Variants in CRADD observed in about 807,000 individuals in gnomAD.
CRADD encodes the protein CARD and death domain containing adaptor protein.
Under a neutral mutation model 15.5 loss-of-function variants are expected in CRADD, and 9 were observed. That is an observed-to-expected ratio of 0.58 (90% CI 0.35 to 1.01). The LOEUF (loss-of-function observed/expected upper bound fraction) is 1.01. Ranked by LOEUF, CRADD falls within the 50% of genes least tolerant of loss-of-function variation. The pLI is 0.02. For missense variants in CRADD, 227 were observed against 250.3 expected, an observed-to-expected ratio of 0.91 and a Z score of 0.63; for synonymous variants, 118 against 107.6, an observed-to-expected ratio of 1.10 and a Z score of -0.60.
chr12:93,825,186 T>A (rs1161461290), intron 2 of CRADD, among the ~76,000 whole-genome samples: 1 of 152,204 alleles, frequency 6.6e-6, no homozygotes, highest in Non-Finnish European at 1.5e-5. Context: ...GGAATTATAC[T>A]TGAACTAGCC....
intron 2 of CRADD, among the ~76,000 whole-genome samples, chr12:93,831,878 A>G (rs1261107090): frequency 6.6e-6 from 1 of 152,216 alleles, no homozygotes; most frequent in Non-Finnish European, 1.5e-5. Context: ...TGAGACAGTC[A>G]TCTTCCTTGT....
intron 2 of CRADD, among the ~76,000 whole-genome samples, chr12:93,732,634 A>T (rs1322941837): frequency 6.6e-6 from 1 of 152,192 alleles, no homozygotes; most frequent in African/African-American, 2.4e-5. Flanking sequence ...TGTAGCAGTT[A>T]AGAGGGTGCA....
intron 2 of CRADD, among the ~76,000 whole-genome samples, chr12:93,881,376 T>C (rs1271179284): frequency 6.7e-6 from 1 of 149,176 alleles, no homozygotes; most frequent in Non-Finnish European, 1.5e-5. Flanking sequence ...CTAATAGATA[T>C]GTCACAGCTT....
intron 2 of CRADD, among the ~76,000 whole-genome samples, chr12:93,726,364 A>G (rs1052468041): frequency 3.3e-5 from 5 of 152,106 alleles, no homozygotes; most frequent in African/African-American, 1.2e-4. Flanking sequence ...TTGGCCTCCC[A>G]AAGTGCTGGG....
At chr12:93,852,942 G>A (rs1958240976), downstream of CRADD, among the ~76,000 whole-genome samples, 1 of 151,074 alleles carries the variant, frequency 6.6e-6, no homozygotes, top group African/African-American at 2.4e-5. Context: ...TGAAGTACAT[G>A]TTTATTATGG....
At chr12:93,775,642 C>A (rs1592979906) in intron 2 of CRADD, among the ~76,000 whole-genome samples, 1 of 152,188 alleles carries the variant, frequency 6.6e-6, no homozygotes, top group South Asian at 2.1e-4. Flanking sequence ...CCAGGCTTGT[C>A]TGACACCTGT....
At position 93,810,418 on chromosome 12, in the gene CRADD, G is replaced by A. The variant is rs1020565910; in HGVS notation, c.299-39552G>A. ...ATAAAAAAATTAGCTGGGCATGGTG[G>A]CGCATGCCTGTAATCTCAGCTACTT... is the stretch of plus-strand genomic sequence containing the variant. On this transcript the variant is annotated intron_variant, in intron 2 of 2. Transcript: ENST00000332896. Among the ~76,000 whole-genome samples the A allele has an allele frequency of 4.3e-4, 66 of 151,780 alleles. 2 individuals are homozygous for A. Among genetic ancestry groups the A allele is most frequent in the Non-Finnish European group, 1.6e-4 (11 of 67,936 alleles).
At chr12:93,886,385 T>A (rs1249353023) in intron 2 of CRADD, among the ~76,000 whole-genome samples, 2 of 148,628 alleles carry the variant, frequency 1.3e-5, no homozygotes, top group Non-Finnish European at 3.0e-5. Context: ...GGTCTCAAAC[T>A]CTTGAGCTCA....
chr12:93,737,241 T>C (rs1030990500), intron 2 of CRADD, among the ~76,000 whole-genome samples: 2 of 152,208 alleles, frequency 1.3e-5, no homozygotes, highest in African/African-American at 4.8e-5. Flanking sequence ...ATATTGCAAG[T>C]ATGAAGAAAG....
At chr12:93,692,478 AG>A (rs1043523609) in intron 2 of CRADD, among the ~76,000 whole-genome samples, 1 of 152,206 alleles carries the variant, frequency 6.6e-6, no homozygotes, top group African/African-American at 2.4e-5. Flanking sequence ...CAGCAGCAAG[AG>A]AAAAGAAGCA....
At chr12:93,726,849 A>G (rs1318816149) in intron 2 of CRADD, among the ~76,000 whole-genome samples, 2 of 152,158 alleles carry the variant, frequency 1.3e-5, no homozygotes, top group Non-Finnish European at 2.9e-5. Context: ...CACTGTTGTC[A>G]AAGACATTGG....
intron 2 of CRADD, chr12:93,714,739 T>G (rs1374810182): frequency 6.6e-6 from 1 of 152,226 alleles, no homozygotes; most frequent in Admixed American, 6.5e-5. Context: ...CGGAAGTTGC[T>G]CAGCCCCTAC....
chr12:93,767,322 G>C (rs117788889), intron 2 of CRADD, among the ~76,000 whole-genome samples: 1 of 152,116 alleles, frequency 6.6e-6, no homozygotes, highest in Non-Finnish European at 1.5e-5. Flanking sequence ...TTGGATAAAC[G>C]CCTTCCCTGG....
chr12:93,787,694 G>A (rs11107182), intron 2 of CRADD, among the ~76,000 whole-genome samples: 54,817 of 152,024 alleles, frequency 0.36, 11,307 homozygotes, highest in East Asian at 0.61. Flanking sequence ...CCTCATAGCT[G>A]ACTGTGATTA....
rs375483680 is a variant in CRADD, at chr12:93,750,683, C to A, written c.298+71611C>A. On this transcript the variant is annotated intron_variant, in intron 2 of 2. Coordinates refer to ENST00000332896, the MANE Select transcript of CRADD (RefSeq NM_003805.5). ...CATTAATGAGGTATATGTGTCTTTG[C>A]CATGCTCACTATATATTTGCATGTG... Among the ~76,000 whole-genome samples, 19 of 152,040 alleles carry A rather than the reference C, an allele frequency of 1.2e-4. 1 individual carries two copies. Among genetic ancestry groups the A allele is most frequent in the Admixed American group, 1.1e-3 (17 of 15,264 alleles).
chr12:93,749,629 TATC>T (rs1956808413), intron 2 of CRADD, among the ~76,000 whole-genome samples: 1 of 152,240 alleles, frequency 6.6e-6, no homozygotes, highest in Admixed American at 6.5e-5. Flanking sequence ...TCCAATTAAC[TATC>T]ATCATTAATT....
At chr12:93,752,799 A>G (rs561254499) in intron 2 of CRADD, among the ~76,000 whole-genome samples, 63 of 152,310 alleles carry the variant, frequency 4.1e-4, no homozygotes, top group Admixed American at 8.5e-4. Context: ...GCTGATAAAG[A>G]TATACCTGAA....
At chr12:93,865,174 G>A (rs531601891) in intron 2 of CRADD, among the ~76,000 whole-genome samples, 15 of 152,170 alleles carry the variant, frequency 9.9e-5, no homozygotes, top group Admixed American at 3.3e-4. Flanking sequence ...TCTTGCTATG[G>A]GCAGCACAGA....
chr12:93,717,601 C>G (rs1281683797), intron 2 of CRADD, among the ~76,000 whole-genome samples: 1 of 152,104 alleles, frequency 6.6e-6, no homozygotes, highest in Non-Finnish European at 1.5e-5. Flanking sequence ...CTTACTACAA[C>G]CTCCGCCTCC....
Sources: allele counts gnomAD v4.1 joint callset (sites outside exome capture counted in the v4.1 genomes callset), GRCh38; gene constraint gnomAD v4.1.1; transcripts MANE v1.5; gene names NCBI Gene and HGNC (gene_info 2026-07-23, HGNC 2026-07-21).